Variants in SASH1 observed in about 807,000 individuals in gnomAD.
SASH1 encodes SAM and SH3 domain containing 1, also known as SAM and SH3 domain-containing protein 1.
Under a neutral mutation model 125.2 loss-of-function variants are expected in SASH1, and 44 were observed. That is an observed-to-expected ratio of 0.35 (90% confidence interval 0.28 to 0.45). SASH1 has a LOEUF of 0.45. SASH1 is among the 20% of genes least tolerant of loss of function. The pLI is 1.00. For missense variants in SASH1, 1,426 were observed against 1,614.5 expected (o/e 0.88, Z 2.00); for synonymous variants, 639 against 649.1 (o/e 0.98, Z 0.24).
At chr6:148,209,648 C>T in the SASH1 span, among the ~76,000 whole-genome samples, 9 of 152,128 alleles carry the variant, frequency 5.9e-5, no homozygotes, top group African/African-American at 9.7e-5. Flanking sequence ...CTCAAGCCTC[C>T]GGAATAACAG....
chr6:148,545,730 T>C (rs1485399862), intron 18 of SASH1, among the ~76,000 whole-genome samples: 1 of 152,106 alleles, frequency 6.6e-6, no homozygotes, highest in Non-Finnish European at 1.5e-5. Context: ...TGTAAAAGTA[T>C]TCCCTCTAAA....
In SASH1 at chr6:148,344,233, C is replaced by G. The variant is rs567681851; in HGVS notation, c.156+1010C>G. On this transcript the variant is annotated intron_variant, in intron 1 of 19. Transcript: ENST00000367467. ...CATGATCTTGGCCAAGTCATTCAAC[C>G]TCTCTGATCCTCAGTTTCATCACCT... Among the ~76,000 whole-genome samples, 9 of 152,316 alleles carry G rather than the reference C, an allele frequency of 5.9e-5. No homozygotes were observed. In the South Asian group the frequency reaches 1.9e-3, roughly 32 times the overall value.
chr6:148,326,376 ATTCTTTTCTTTTCTT>A (rs71004287), intron 1 of SASH1, among the ~76,000 whole-genome samples: 49 of 38,304 alleles, frequency 1.3e-3, no homozygotes, highest in African/African-American at 3.2e-3. Flanking sequence ...ATATATATAC[ATTCTTTTCTTTTCTT>A]TTCTTTTCTT....
chr6:148,355,347 T>C (rs1050046795), intron 1 of SASH1, among the ~76,000 whole-genome samples: 17 of 152,208 alleles, frequency 1.1e-4, no homozygotes, highest in African/African-American at 4.1e-4. Flanking sequence ...CAGGTGGTGA[T>C]TTACTGGAAG....
intron 1 of SASH1, among the ~76,000 whole-genome samples, chr6:148,293,961 G>C (rs1779700066): frequency 6.6e-6 from 1 of 152,226 alleles, no homozygotes; most frequent in East Asian, 1.9e-4. Flanking sequence ...AATAGTCATT[G>C]GCCTAATTTG....
chr6:148,542,425 C>T (rs994345378), intron 17 of SASH1, among the ~76,000 whole-genome samples: 2 of 152,036 alleles, frequency 1.3e-5, no homozygotes, highest in Non-Finnish European at 2.9e-5. Flanking sequence ...CTCGCTCTGT[C>T]GCCCAGGCTG....
chr6:148,329,449 AAT>A (rs1425800033), intron 1 of SASH1, among the ~76,000 whole-genome samples: 2 of 152,222 alleles, frequency 1.3e-5, no homozygotes, highest in Admixed American at 1.3e-4. Context: ...TATTTAAAGA[AAT>A]AACCATGACC....
intron 1 of SASH1, among the ~76,000 whole-genome samples, chr6:148,314,068 A>G (rs1321008726): frequency 2.6e-5 from 4 of 152,212 alleles, no homozygotes; most frequent in Non-Finnish European, 4.4e-5. Flanking sequence ...CATGGTCTAG[A>G]GAGAAAACAA....
At chr6:148,438,370 C>T (rs573887667) in intron 2 of SASH1, among the ~76,000 whole-genome samples, 1 of 152,250 alleles carries the variant, frequency 6.6e-6, no homozygotes, top group South Asian at 2.1e-4. Flanking sequence ...GTATATATCC[C>T]CTTTGTTAAC....
the SASH1 span, among the ~76,000 whole-genome samples, chr6:148,201,417 G>A: frequency 6.6e-6 from 1 of 152,192 alleles, no homozygotes; most frequent in African/African-American, 2.4e-5. Flanking sequence ...TGTCCCTGCA[G>A]TGGAATCTCC....
At chr6:148,297,435 T>TA (rs766023167) in intron 1 of SASH1, among the ~76,000 whole-genome samples, 9 of 151,434 alleles carry the variant, frequency 5.9e-5, no homozygotes, top group South Asian at 2.1e-4. Flanking sequence ...ACTAGGATTG[T>TA]AAAAAAAAAT....
chr6:148,257,628 C>CTTTT, the SASH1 span, among the ~76,000 whole-genome samples: 9 of 127,136 alleles, frequency 7.1e-5, no homozygotes, highest in African/African-American at 1.2e-4. Flanking sequence ...TGTCAGTTTA[C>CTTTT]TTTTTTTTTT....
At chr6:148,332,259 T>C (rs1781016168) in intron 1 of SASH1, among the ~76,000 whole-genome samples, 1 of 152,152 alleles carries the variant, frequency 6.6e-6, no homozygotes, top group African/African-American at 2.4e-5. Flanking sequence ...AGTCTTTCCT[T>C]GAAGTCAGTT....
In SASH1 at chr6:148,549,423, G is replaced by A. The variant is rs144712333; in HGVS notation, c.*865G>A. On this transcript the variant is annotated 3_prime_UTR_variant, in exon 20 of 20. Transcript: ENST00000367467. ...ATCATGTGTGTGCGTGCGTGCGTGC[G>A]CGTGTGTGTCTGTATTCATAGTGAC... 1.6e-4 allele frequency: 64 copies of A among 392,404 alleles called. No homozygotes were observed. Among genetic ancestry groups the A allele is most frequent in the Middle Eastern group, 6.5e-4 (1 of 1,548 alleles). 24.3% of individuals were successfully genotyped at this position (392,404 alleles called of 1,614,324 possible). A position where few individuals can be genotyped will look rare whatever the true frequency, so the allele number is the denominator to read the frequency against.
At chr6:148,407,427 C>T (rs1784421869) in intron 2 of SASH1, among the ~76,000 whole-genome samples, 1 of 152,144 alleles carries the variant, frequency 6.6e-6, no homozygotes, top group Non-Finnish European at 1.5e-5. Context: ...CCTTTTGAGG[C>T]TGAATAATAT....
At chr6:148,328,708 T>A (rs945825288) in intron 1 of SASH1, among the ~76,000 whole-genome samples, 4 of 152,206 alleles carry the variant, frequency 2.6e-5, no homozygotes, top group African/African-American at 9.7e-5. Context: ...TAAACCACCA[T>A]AAATTGTGAT....
At chr6:148,331,813 TC>T in intron 1 of SASH1, among the ~76,000 whole-genome samples, 1 of 152,134 alleles carries the variant, frequency 6.6e-6, no homozygotes, top group Non-Finnish European at 1.5e-5. Context: ...CACCTCAGCC[TC>T]CCCAGTAGCT....
chr6:148,375,370 T>C (rs1276426016), intron 1 of SASH1, among the ~76,000 whole-genome samples: 1 of 151,240 alleles, frequency 6.6e-6, no homozygotes, highest in Non-Finnish European at 1.5e-5. Context: ...ACACCTATTA[T>C]CTCACATAGT....
intron 4 of SASH1, among the ~76,000 whole-genome samples, chr6:148,460,164 G>A (rs1248150088): frequency 6.6e-6 from 1 of 152,224 alleles, no homozygotes; most frequent in African/African-American, 2.4e-5. Context: ...GGATAACAAA[G>A]GTGATTGTCA....
Sources: gnomAD v4.1 joint callset for allele counts (sites outside exome capture counted in the v4.1 genomes callset) on GRCh38, gnomAD v4.1.1 for gene constraint, MANE v1.5 for transcripts, NCBI Gene and HGNC (gene_info 2026-07-23, HGNC 2026-07-21) for gene names.